The following EHD4 variants were observed in gnomAD, a reference collection of about 807,000 sequenced individuals.
The protein encoded by EHD4 is EH domain containing 4.
A neutral mutation model predicts 51.0 loss-of-function variants in EHD4; 37 were observed. That is an observed-to-expected ratio of 0.73 (90% CI 0.56 to 0.95). The LOEUF is 0.95. Ranked by LOEUF, EHD4 falls within the 40% of genes least tolerant of loss-of-function variation. The pLI, the probability that EHD4 is intolerant of heterozygous loss-of-function variation, is 0.00. For missense variants in EHD4, 632 were observed against 733.1 expected (o/e 0.86, Z 1.59); for synonymous variants, 297 against 317.3 (o/e 0.94, Z 0.68).
chr15:41,933,193 C>G (rs1200777489), intron 3 of EHD4, among the ~76,000 whole-genome samples: 2 of 152,170 alleles, frequency 1.3e-5, no homozygotes, highest in Admixed American at 1.3e-4. Context: ...CCCTGAAAGC[C>G]TTGTTATTTT....
intron 1 of EHD4, among the ~76,000 whole-genome samples, chr15:41,962,245 G>A (rs79986587): frequency 0.014 from 2,183 of 151,998 alleles, 47 homozygotes; most frequent in African/African-American, 0.05. Flanking sequence ...TGTTTGTTTT[G>A]AAGAACCTAA....
chr15:41,916,054 G>C (rs1006987675), intron 4 of EHD4, among the ~76,000 whole-genome samples: 2 of 152,128 alleles, frequency 1.3e-5, no homozygotes, highest in African/African-American at 4.8e-5. Flanking sequence ...CATGAATCCT[G>C]GTTAATTATG....
chr15:41,967,186 C>G (rs1484577152), intron 1 of EHD4, among the ~76,000 whole-genome samples: 1 of 152,236 alleles, frequency 6.6e-6, no homozygotes, highest in East Asian at 1.9e-4. Context: ...CACCTCCCCA[C>G]CCTCACTCCC....
chr15:41,903,811 T>C (rs1010784292), intron 5 of EHD4, among the ~76,000 whole-genome samples: 7 of 152,008 alleles, frequency 4.6e-5, no homozygotes, highest in African/African-American at 1.2e-4. Flanking sequence ...GACTCTGACA[T>C]ATTCTCAGGA....
chr15:41,914,021 G>T (rs1228452427), intron 4 of EHD4, among the ~76,000 whole-genome samples: 1 of 148,744 alleles, frequency 6.7e-6, no homozygotes, highest in Non-Finnish European at 1.5e-5. Flanking sequence ...CTCTGACACA[G>T]ATCTCATTGT....
chr15:41,971,015 AT>A (rs1448804704), intron 1 of EHD4, among the ~76,000 whole-genome samples: 2 of 152,338 alleles, frequency 1.3e-5, no homozygotes, highest in East Asian at 3.9e-4. Context: ...AAATAAAGCA[AT>A]TTTGAAATTA....
intron 3 of EHD4, among the ~76,000 whole-genome samples, chr15:41,929,370 G>T (rs1290538725): frequency 1.3e-5 from 2 of 152,270 alleles, no homozygotes; most frequent in Non-Finnish European, 2.9e-5. Flanking sequence ...TCCAGGGCAA[G>T]GGCGGGAGAG....
chr15:41,963,296 T>TAAAAA (rs35077069), intron 1 of EHD4, among the ~76,000 whole-genome samples: 1 of 126,970 alleles, frequency 7.9e-6, no homozygotes, highest in Non-Finnish European at 1.6e-5. Flanking sequence ...CAATAAATAC[T>TAAAAA]AAAAAAAAAA....
chr15:41,972,543 T>C lies in EHD4; in HGVS notation c.-49A>G. 1.4e-6 allele frequency: 2 copies of C among 1,427,186 alleles called. No homozygotes were observed. Among genetic ancestry groups the C allele is most frequent in the African/African-American group, 3.0e-5 (2 of 66,974 alleles). 88.4% of individuals were successfully genotyped at this position (1,427,186 alleles called of 1,614,324 possible). On this transcript the variant is annotated 5_prime_UTR_variant, in exon 1 of 6. Coordinates refer to ENST00000220325, the MANE Select transcript of EHD4 (RefSeq NM_139265.4). ...TGGGACCCTGCTCCGGGTTCGACTC[T>C]CCCCGGCTCGCACTGAGCCGCCCCG...
chr15:41,952,640 C>T (rs150831144), intron 2 of EHD4, among the ~76,000 whole-genome samples: 50 of 152,186 alleles, frequency 3.3e-4, no homozygotes, highest in African/African-American at 1.2e-3. Flanking sequence ...ACAAATAAAA[C>T]ACATCTCCAA....
Position 41,900,723 on chromosome 15 carries a change from G to A in EHD4, c.1548C>T (p.Asp516=), listed in dbSNP as rs147692284. ...LAKHLIKIKL[D]GYELPSSLPP... is the part of the protein sequence containing the mutation. Reference sequence around the variant, plus strand: ...GCAGGCTGCTGGGCAGCTCGTAGCCGTCGAGCTTGATCTTGATGAGGTGCT... The same window carrying A: ...GCAGGCTGCTGGGCAGCTCGTAGCCATCGAGCTTGATCTTGATGAGGTGCT... The change falls in exon 6 of 6, where the codon GAC becomes GAT. Residue 516 remains aspartate, a synonymous_variant. Transcript: ENST00000220325. The surrounding 1 kb of genome is among the most constrained non-coding windows in gnomAD (Gnocchi z 4.8). 34 of 1,611,796 alleles carry A rather than the reference G, an allele frequency of 2.1e-5. No homozygotes were observed. The highest frequency in any genetic ancestry group is 1.4e-4 in the South Asian group (13 of 91,076).
At chr15:41,901,342 T>C (rs1382893689) in intron 5 of EHD4, among the ~76,000 whole-genome samples, 161 bp from the exon 6 acceptor site, 1 of 152,226 alleles carries the variant, frequency 6.6e-6, no homozygotes, top group Non-Finnish European at 1.5e-5. Context: ...GTACCACATA[T>C]AGGAGTGGTT....
In EHD4 at chr15:41,972,551, T is replaced by TCGCACTGAGCCGCCCCGGC; in HGVS notation, c.-58_-57insGCCGGGGCGGCTCAGTGCG. On this transcript the variant is annotated 5_prime_UTR_variant, in exon 1 of 6. Transcript: ENST00000220325. ...TGCTCCGGGTTCGACTCTCCCCGGCTCGCACTGAGCCGCCCCGGCCGCGCT... is the reference window on the plus strand; with the variant it reads ...TGCTCCGGGTTCGACTCTCCCCGGCTCGCACTGAGCCGCCCCGGCCGCACTGAGCCGCCCCGGCCGCGCT... 7.1e-7 allele frequency: 1 copy of TCGCACTGAGCCGCCCCGGC among 1,414,290 alleles called. No individual in the cohort carries two copies. The allele number at this position is 1,414,290 out of a possible 1,614,324, so 87.6% of individuals were successfully genotyped here. A position where few individuals can be genotyped will look rare whatever the true frequency, so the allele number is the denominator to read the frequency against.
chr15:41,931,552 T>C (rs1409550976), intron 3 of EHD4, among the ~76,000 whole-genome samples: 1 of 152,158 alleles, frequency 6.6e-6, no homozygotes, highest in Non-Finnish European at 1.5e-5. Context: ...TAAAATTAAA[T>C]TAAAATAAAA....
intron 3 of EHD4, among the ~76,000 whole-genome samples, chr15:41,922,080 T>C (rs1396692730): frequency 2.0e-5 from 3 of 152,276 alleles, no homozygotes; most frequent in Non-Finnish European, 2.9e-5. Context: ...ATCAGCTTCT[T>C]TGGTTTGCTA....
chr15:41,931,359 A>G (rs773043997), intron 3 of EHD4, among the ~76,000 whole-genome samples: 13 of 152,010 alleles, frequency 8.6e-5, no homozygotes, highest in Admixed American at 3.3e-4. Flanking sequence ...AAAAAATGCA[A>G]AACATTAGCT....
chr15:41,952,120 G>T (rs2067855834), intron 2 of EHD4, among the ~76,000 whole-genome samples: 1 of 152,222 alleles, frequency 6.6e-6, no homozygotes. Context: ...CCTGCGGAGG[G>T]GCCTGGGTGG....
In EHD4 at chr15:41,901,839, C is replaced by T. The variant is rs577052947; in HGVS notation, c.1090-658G>A. On this transcript the variant is annotated intron_variant, in intron 5 of 5. Coordinates refer to ENST00000220325, the MANE Select transcript of EHD4 (RefSeq NM_139265.4). ...GTAGGACCAGCCCCACCAAGTACGG[C>T]CTGACCAGGGGCACCTGTGCTACCC... is the stretch of plus-strand genomic sequence containing the variant. 2.0e-5 allele frequency among the ~76,000 whole-genome samples: 3 copies of T among 152,284 alleles called. No homozygotes were observed. In the East Asian group the frequency reaches 5.8e-4, roughly 29 times the overall value.
chr15:41,901,654 G>A (rs1433415786), intron 5 of EHD4, among the ~76,000 whole-genome samples: 1 of 152,206 alleles, frequency 6.6e-6, no homozygotes. Context: ...AATGCTCTCT[G>A]TGCTGGAACA....
Sources: allele counts gnomAD v4.1 joint callset (sites outside exome capture counted in the v4.1 genomes callset), GRCh38; gene constraint gnomAD v4.1.1; non-coding constraint Gnocchi (gnomAD v3.1); transcripts MANE v1.5; gene names NCBI Gene and HGNC (gene_info 2026-07-23, HGNC 2026-07-21).